The following YEATS2 variants were observed in gnomAD, a reference collection of about 807,000 sequenced individuals.
YEATS2 encodes the protein YEATS domain-containing protein 2.
YEATS2 carries 77 observed loss-of-function variants against 163.2 expected under a neutral mutation model. The ratio of observed to expected loss-of-function variants is 0.47; its 90% confidence interval spans 0.39 to 0.57. YEATS2 has a LOEUF of 0.57. Among genes scored for constraint, YEATS2 ranks in the 20% least tolerant of loss-of-function variants. YEATS2 has a pLI of 0.00. For missense variants in YEATS2, 1,549 were observed against 1,729.8 expected, an observed-to-expected ratio of 0.90 and a Z score of 1.85; for synonymous variants, 631 against 645.1, an observed-to-expected ratio of 0.98 and a Z score of 0.33.
intron 15 of YEATS2, among the ~76,000 whole-genome samples, chr3:183,765,381 T>C (rs1463217105): frequency 2.6e-5 from 4 of 152,196 alleles, no homozygotes; most frequent in Non-Finnish European, 5.9e-5. Context: ...GCTGAACAAC[T>C]GTACTGACTT....
In YEATS2 at chr3:183,795,483, T is replaced by TTTTTTA. The variant is rs146253574; in HGVS notation, c.3098-2440_3098-2439insTTTTTA. Among the ~76,000 whole-genome samples the TTTTTTA allele has an allele frequency of 6.8e-4, 84 of 124,008 alleles. 7 individuals are homozygous for TTTTTTA. The highest frequency in any genetic ancestry group is 1.5e-3 in the East Asian group (6 of 3,960). 81.4% of individuals were successfully genotyped at this position (124,008 alleles called of 152,430 possible). A position where few individuals can be genotyped will look rare whatever the true frequency, so the allele number is the denominator to read the frequency against. Reference sequence around the variant, plus strand: ...TTTTTTTTTTTTTTTTTTTTTTTTTTAGAGACGGGGTCTTGCTTTGTTGCC... The same window carrying TTTTTTA: ...TTTTTTTTTTTTTTTTTTTTTTTTTTTTTTTAAGAGACGGGGTCTTGCTTTGTTGCC... On this transcript the variant is annotated intron_variant, in intron 21 of 30. Coordinates refer to ENST00000305135, the MANE Select transcript of YEATS2 (RefSeq NM_018023.5).
Position 183,776,826 on chromosome 3 carries a change from C to G in YEATS2, c.2577+703C>G, listed in dbSNP as rs192356247. ...AATCAGTCGGGTGTGGTGGTGCATGCCTGTAATCCCAGCTACTTGGAAGGC... is the reference window on the plus strand; with the variant it reads ...AATCAGTCGGGTGTGGTGGTGCATGGCTGTAATCCCAGCTACTTGGAAGGC... On this transcript the variant is annotated intron_variant, in intron 18 of 30. Transcript: ENST00000305135. 1.1e-4 allele frequency among the ~76,000 whole-genome samples: 16 copies of G among 151,994 alleles called. No homozygotes were observed. The East Asian group carries it at 2.7e-3, about 26-fold the overall frequency.
chr3:183,785,349 G>A (rs754852985), intron 19 of YEATS2, among the ~76,000 whole-genome samples: 4 of 151,116 alleles, frequency 2.6e-5, no homozygotes, highest in South Asian at 2.1e-4. Context: ...TTAGTTGGGC[G>A]TGGTGGCACG....
At chr3:183,809,925 A>G (rs1726625323) in intron 30 of YEATS2, 1 of 153,572 alleles carries the variant, frequency 6.5e-6, no homozygotes, top group Admixed American at 6.5e-5. Context: ...GCGTCTTTAG[A>G]GAAAAGGAAG....
chr3:183,714,861 G>T (rs979944761), intron 1 of YEATS2, among the ~76,000 whole-genome samples: 1 of 151,424 alleles, frequency 6.6e-6, no homozygotes, highest in African/African-American at 2.4e-5. Context: ...TTTGTTCAAG[G>T]ATTTTTCTCT....
chr3:183,744,802 C>T (rs1719351956), intron 8 of YEATS2, among the ~76,000 whole-genome samples: 2 of 152,034 alleles, frequency 1.3e-5, no homozygotes, highest in African/African-American at 4.8e-5. Context: ...ATCATTCTTT[C>T]TTCATAATCT....
intron 21 of YEATS2, among the ~76,000 whole-genome samples, chr3:183,797,269 G>GAAGAA (rs1553883101): frequency 2.8e-5 from 2 of 72,616 alleles, no homozygotes; most frequent in African/African-American, 1.1e-4. Context: ...ATCCAACTCT[G>GAAGAA]AAAAAAAAAA....
chr3:183,742,032 G>C (rs1220025578), intron 8 of YEATS2, among the ~76,000 whole-genome samples: 30 of 146,704 alleles, frequency 2.0e-4, no homozygotes, highest in Non-Finnish European at 9.0e-5. Flanking sequence ...AACATAATAA[G>C]ACCTCATCTC....
At chr3:183,725,507 C>T (rs141851852) in intron 6 of YEATS2, among the ~76,000 whole-genome samples, 43 of 152,312 alleles carry the variant, frequency 2.8e-4, no homozygotes, top group African/African-American at 9.9e-4. Flanking sequence ...GCTAGGGAGG[C>T]CTCACAATCC....
intron 8 of YEATS2, among the ~76,000 whole-genome samples, chr3:183,746,026 G>A (rs779888288): frequency 6.6e-5 from 10 of 152,000 alleles, no homozygotes; most frequent in Admixed American, 3.9e-4. Flanking sequence ...TAGAGTTGAG[G>A]TCTCGCCATG....
chr3:183,810,361 G>A (rs1726675716), intron 30 of YEATS2, 114 bp from the exon 31 acceptor site: 1 of 899,952 alleles, frequency 1.1e-6, no homozygotes. Flanking sequence ...TGGCTCAGGA[G>A]CCCTCTCCAC....
At chr3:183,778,753 A>G (rs1305729827) in intron 19 of YEATS2, among the ~76,000 whole-genome samples, 1 of 152,170 alleles carries the variant, frequency 6.6e-6, no homozygotes, top group Non-Finnish European at 1.5e-5. Context: ...ATGAAGTGGA[A>G]GCTTTTCCTT....
Position 183,810,823 on chromosome 3 carries a change from G to T in YEATS2, c.*240G>T, listed in dbSNP as rs1726733936. ...GCTGTCAGTGGATCCGTGCTTTGTC[G>T]GCCAGCGTTTCTGCAGTCTTTGTAA... On this transcript the variant is annotated 3_prime_UTR_variant, in exon 31 of 31. Coordinates refer to ENST00000305135, the MANE Select transcript of YEATS2 (RefSeq NM_018023.5). The T allele has an allele frequency of 4.0e-6, 2 of 497,830 alleles. No homozygotes were observed. The highest frequency in any genetic ancestry group is 4.2e-5 in the South Asian group (2 of 47,834). 30.8% of individuals were successfully genotyped at this position (497,830 alleles called of 1,614,324 possible).
intron 8 of YEATS2, 140 bp downstream of exon 8, chr3:183,736,969 A>G (rs971862939): frequency 8.1e-6 from 5 of 618,846 alleles, no homozygotes; most frequent in African/African-American, 3.7e-5. Flanking sequence ...AAACTTAACT[A>G]TTAATAGCCT....
intron 21 of YEATS2, among the ~76,000 whole-genome samples, chr3:183,794,142 AAT>A (rs1724929038): frequency 6.6e-6 from 1 of 152,054 alleles, no homozygotes; most frequent in African/African-American, 2.4e-5. Flanking sequence ...GCTAAGGTGG[AAT>A]ATGATCTGCC....
chr3:183,709,566 C>T (rs1226394063), intron 1 of YEATS2, among the ~76,000 whole-genome samples: 2 of 152,078 alleles, frequency 1.3e-5, no homozygotes, highest in African/African-American at 4.8e-5. Flanking sequence ...AGCTCCTAAC[C>T]TCAAGTGATC....
At chr3:183,739,932 CT>C (rs764897272) in intron 8 of YEATS2, among the ~76,000 whole-genome samples, 1,691 of 40,936 alleles carry the variant, frequency 0.041, 71 homozygotes, top group East Asian at 0.089. Context: ...GGATCCCTTC[CT>C]TACACCTTAT....
chr3:183,810,669 T>G lies in YEATS2; in HGVS notation c.*86T>G. On this transcript the variant is annotated 3_prime_UTR_variant, in exon 31 of 31. Coordinates refer to ENST00000305135, the MANE Select transcript of YEATS2 (RefSeq NM_018023.5). The stretch of plus-strand genomic sequence containing the variant: ...CCCTGCTGCTCGGGAAGGAGGTGGT[T>G]TCCAGTGTGACTCGGCATGTCATGG... The G allele has an allele frequency of 5.4e-6, 7 of 1,285,892 alleles. No individual in the cohort carries two copies. Among genetic ancestry groups the G allele is most frequent in the Non-Finnish European group, 7.8e-6 (7 of 901,640 alleles). 79.7% of individuals were successfully genotyped at this position (1,285,892 alleles called of 1,614,324 possible). A position where few individuals can be genotyped will look rare whatever the true frequency, so the allele number is the denominator to read the frequency against.
intron 15 of YEATS2, among the ~76,000 whole-genome samples, chr3:183,765,965 T>C (rs1048302868): frequency 1.3e-5 from 2 of 150,076 alleles, no homozygotes; most frequent in East Asian, 1.9e-4. Context: ...AAAAAAGATA[T>C]GCCAGGAAAC....
Sources: allele counts gnomAD v4.1 joint callset (sites outside exome capture counted in the v4.1 genomes callset), GRCh38; gene constraint gnomAD v4.1.1; transcripts MANE v1.5; gene names NCBI Gene and HGNC (gene_info 2026-07-23, HGNC 2026-07-21).